ABCB4: variants seen among roughly 807,000 people sequenced by gnomAD.
The protein encoded by ABCB4 is ATP binding cassette subfamily B member 4.
In ABCB4, 76 loss-of-function variants were observed where a neutral mutation model predicts 145.7. That is an observed-to-expected ratio of 0.52 (90% CI 0.43 to 0.63). ABCB4 has a LOEUF of 0.63. Among genes scored for constraint, ABCB4 ranks in the 30% least tolerant of loss-of-function variants. ABCB4 has a pLI of 0.00. For synonymous variants in ABCB4, 517 were observed against 566.8 expected, an observed-to-expected ratio of 0.91 and a Z score of 1.25; for missense variants, 1,234 against 1,553.1, an observed-to-expected ratio of 0.79 and a Z score of 3.45.
chr7:87,472,935 C>A (rs4148810), intron 2 of ABCB4, among the ~76,000 whole-genome samples: 1 of 151,914 alleles, frequency 6.6e-6, no homozygotes, highest in Admixed American at 6.5e-5. Flanking sequence ...GATAAGTATG[C>A]TAACAGTGTC....
chr7:87,384,358 C>T, the ABCB4 span, among the ~76,000 whole-genome samples: 3 of 152,056 alleles, frequency 2.0e-5, no homozygotes, highest in African/African-American at 4.8e-5. Context: ...ATAGCGAAAC[C>T]CTGTCTCTAC....
At chr7:87,472,485 AAGTGCTGGG>A in intron 3 of ABCB4, 127 bp downstream of exon 3, 1 of 764,118 alleles carries the variant, frequency 1.3e-6, no homozygotes. Context: ...CAGTCTCCCA[AAGTGCTGGG>A]ATTACAAGTA....
At chr7:87,430,360 G>A (rs529567841) in intron 15 of ABCB4, among the ~76,000 whole-genome samples, 63 of 152,258 alleles carry the variant, frequency 4.1e-4, no homozygotes, top group African/African-American at 1.2e-3. Context: ...CAAAGCAAAT[G>A]TATATACTTT....
rs1224017828 is a variant in ABCB4, at chr7:87,443,457, T to C, written c.1231-13A>G. The stretch of plus-strand genomic sequence containing the variant: ...GGCCCTTCAAGATCTGTAAGGAAAA[T>C]GAGAAAAAAGAACACACTTCACAAC... On this transcript the variant is annotated splice_polypyrimidine_tract_variant and intron_variant, in intron 11 of 27. Coordinates refer to ENST00000649586, the MANE Select transcript of ABCB4 (RefSeq NM_000443.4). 6 of 1,612,718 alleles carry C rather than the reference T, an allele frequency of 3.7e-6. No homozygotes were observed. Among genetic ancestry groups the C allele is most frequent in the South Asian group, 1.1e-5 (1 of 91,022 alleles).
At chr7:87,413,839 T>C in intron 21 of ABCB4, 122 bp from the exon 22 acceptor site, 2 of 737,006 alleles carry the variant, frequency 2.7e-6, no homozygotes, top group South Asian at 3.0e-5. Flanking sequence ...TAATTTCCTT[T>C]AAATTAAAAA....
At chr7:87,392,873 G>A in the ABCB4 span, 43 of 1,608,794 alleles carry the variant, frequency 2.7e-5, no homozygotes, top group East Asian at 2.5e-4. Flanking sequence ...TCCTCTTTTT[G>A]TATATTAAAT....
At chr7:87,429,376 CT>C (rs1407962328) in intron 15 of ABCB4, among the ~76,000 whole-genome samples, 1 of 152,214 alleles carries the variant, frequency 6.6e-6, no homozygotes, top group Non-Finnish European at 1.5e-5. Context: ...AAGCTATTGC[CT>C]AGTTGGTGAC....
intron 15 of ABCB4, 53 bp downstream of exon 15, chr7:87,431,351 A>C: frequency 2.5e-6 from 4 of 1,609,812 alleles, no homozygotes; most frequent in Non-Finnish European, 3.4e-6. Flanking sequence ...TAATATTTAA[A>C]GAACACTATA....
At chr7:87,451,012 G>C (rs570432826) in intron 7 of ABCB4, among the ~76,000 whole-genome samples, 3 of 152,222 alleles carry the variant, frequency 2.0e-5, no homozygotes, top group African/African-American at 7.2e-5. Context: ...CACAGGTAAT[G>C]ATTAAAACAA....
chr7:87,400,765 A>T (rs6465113), downstream of ABCB4, among the ~76,000 whole-genome samples: 108,059 of 152,124 alleles, frequency 0.71, 40,060 homozygotes, highest in Middle Eastern at 0.83. Context: ...TCAGCCAGTG[A>T]GTATAATGCA....
At chr7:87,404,269 C>T (rs980520364) in intron 26 of ABCB4, among the ~76,000 whole-genome samples, 9 of 152,060 alleles carry the variant, frequency 5.9e-5, no homozygotes, top group Non-Finnish European at 1.2e-4. Flanking sequence ...AGTGGAACCC[C>T]GAATGCTGGA....
chr7:87,379,682 T>G, the ABCB4 span, among the ~76,000 whole-genome samples: 2 of 152,232 alleles, frequency 1.3e-5, no homozygotes, highest in South Asian at 4.1e-4. Context: ...GTGTGTGCAT[T>G]AACATGCATA....
intron 2 of ABCB4, among the ~76,000 whole-genome samples, chr7:87,474,976 C>G (rs1182518577): frequency 6.6e-6 from 1 of 152,104 alleles, no homozygotes. Context: ...GCTTCACTGC[C>G]CTTGTTCAAA....
chr7:87,412,099 G>T, intron 22 of ABCB4, 66 bp from the exon 23 acceptor site: 23 of 1,594,816 alleles, frequency 1.4e-5, no homozygotes, highest in Non-Finnish European at 1.9e-5. Flanking sequence ...GTAGTGGAAA[G>T]AGCACGGCTT....
At chr7:87,398,553 C>G, downstream of ABCB4, 1 of 1,613,774 alleles carries the variant, frequency 6.2e-7, no homozygotes, top group Non-Finnish European at 8.5e-7. Flanking sequence ...GCCTGGAAAT[C>G]CTGTCCCGAG....
the ABCB4 span, chr7:87,375,452 T>A: frequency 1.8e-6 from 1 of 546,932 alleles, no homozygotes; most frequent in South Asian, 2.5e-5. Context: ...CTTTTGGTGT[T>A]AATAGAACAC....
At chr7:87,381,911 A>G in the ABCB4 span, 7 of 1,599,590 alleles carry the variant, frequency 4.4e-6, no homozygotes, top group Admixed American at 1.7e-5. Flanking sequence ...TCATTTTAGC[A>G]TGCTCCTTTT....
chr7:87,394,317 T>C, the ABCB4 span, among the ~76,000 whole-genome samples: 2 of 152,190 alleles, frequency 1.3e-5, no homozygotes, highest in Non-Finnish European at 2.9e-5. Context: ...AAAAGTGATC[T>C]TTCGTGGTTT....
At chr7:87,421,326 C>T (rs1584703438) in intron 18 of ABCB4, among the ~76,000 whole-genome samples, 1 of 152,150 alleles carries the variant, frequency 6.6e-6, no homozygotes, top group African/African-American at 2.4e-5. Context: ...CTGCCCTCCC[C>T]CTCCATTTGC....
Sources: allele counts gnomAD v4.1 joint callset (sites outside exome capture counted in the v4.1 genomes callset), GRCh38; gene constraint gnomAD v4.1.1; transcripts MANE v1.5; gene names NCBI Gene and HGNC (gene_info 2026-07-23, HGNC 2026-07-21).